The following AP3S2 variants were observed in gnomAD, a reference collection of about 807,000 sequenced individuals.
AP3S2 encodes adaptor related protein complex 3 subunit sigma 2.
In AP3S2, 22 loss-of-function variants were observed where a neutral mutation model predicts 23.4. The ratio of observed to expected loss-of-function variants is 0.94; its 90% confidence interval spans 0.67 to 1.34. AP3S2 has a LOEUF of 1.34. AP3S2 is among the 40% of genes most tolerant of loss of function. The pLI is 0.00. For synonymous variants in AP3S2, 86 were observed against 87.1 expected (o/e 0.99, Z 0.07); for missense variants, 241 against 236.9 (o/e 1.02, Z -0.11).
At chr15:89,868,524 T>G (rs1596208571) in intron 4 of AP3S2, among the ~76,000 whole-genome samples, 2 of 98,722 alleles carry the variant, frequency 2.0e-5, no homozygotes, top group African/African-American at 4.0e-5. Flanking sequence ...GGTGGGGGGG[T>G]CAGCCCCCCG....
intron 4 of AP3S2, among the ~76,000 whole-genome samples, chr15:89,845,046 C>T (rs1895452658): frequency 2.0e-5 from 3 of 152,012 alleles, no homozygotes; most frequent in Non-Finnish European, 4.4e-5. Flanking sequence ...GCTGGGACTA[C>T]AGGCGCCCGC....
chr15:89,847,568 A>G (rs1431304399), intron 4 of AP3S2, among the ~76,000 whole-genome samples: 1 of 152,164 alleles, frequency 6.6e-6, no homozygotes, highest in Non-Finnish European at 1.5e-5. Context: ...AGAGGATTCC[A>G]TGCTCTTCAA....
chr15:89,846,203 GCT>G (rs1895483242), intron 4 of AP3S2, among the ~76,000 whole-genome samples: 1 of 152,170 alleles, frequency 6.6e-6, no homozygotes, highest in Admixed American at 6.5e-5. Context: ...GGTGTTTTTA[GCT>G]CTGTCCTATT....
chr15:89,850,392 G>A (rs780034212), intron 4 of AP3S2, among the ~76,000 whole-genome samples: 10 of 152,156 alleles, frequency 6.6e-5, no homozygotes, highest in Admixed American at 2.6e-4. Flanking sequence ...CAGATGAAAC[G>A]GCTGGCTGGT....
At chr15:89,866,698 T>C (rs1896131768) in intron 4 of AP3S2, among the ~76,000 whole-genome samples, 1 of 151,934 alleles carries the variant, frequency 6.6e-6, no homozygotes, top group South Asian at 2.1e-4. Flanking sequence ...TTGGTTAGGC[T>C]GGTCTCGAAC....
chr15:89,859,349 CTTCT>C (rs1260804126), intron 4 of AP3S2, among the ~76,000 whole-genome samples: 28 of 132,188 alleles, frequency 2.1e-4, no homozygotes, highest in African/African-American at 6.7e-4. Flanking sequence ...TCCTTCCTTC[CTTCT>C]TTCCTTCCTT....
chr15:89,842,370 G>A (rs878963899), intron 4 of AP3S2, among the ~76,000 whole-genome samples: 48 of 152,282 alleles, frequency 3.2e-4, no homozygotes, highest in Admixed American at 2.9e-3. Context: ...AACTATAAGA[G>A]GATTGGGGTC....
In AP3S2 at chr15:89,832,999, T is replaced by C. The variant is rs948641616; in HGVS notation, c.*2516A>G. ...TGTTTGGATGCTCGCTTTGAATCTGTAGGACCACTCAATGATTTTTTAAAA... is the reference window on the plus strand; with the variant it reads ...TGTTTGGATGCTCGCTTTGAATCTGCAGGACCACTCAATGATTTTTTAAAA... On this transcript the variant is annotated 3_prime_UTR_variant, in exon 6 of 6. Coordinates refer to ENST00000336418, the MANE Select transcript of AP3S2 (RefSeq NM_005829.5). The C allele has an allele frequency of 6.6e-6, 1 of 152,238 alleles. No individual in the cohort carries two copies. The highest frequency in any genetic ancestry group is 2.4e-5 in the African/African-American group (1 of 41,456). 9.4% of individuals were successfully genotyped at this position (152,238 alleles called of 1,614,324 possible).
At chr15:89,842,825 A>T (rs1240069775) in intron 4 of AP3S2, among the ~76,000 whole-genome samples, 1 of 151,988 alleles carries the variant, frequency 6.6e-6, no homozygotes, top group Admixed American at 6.6e-5. Context: ...GTTGGCCAGG[A>T]TGGTCTGCAT....
chr15:89,867,940 CCCGGCCAGCCGCCCCAT>C (rs1896183840), intron 4 of AP3S2, among the ~76,000 whole-genome samples: 3 of 147,680 alleles, frequency 2.0e-5, no homozygotes, highest in African/African-American at 5.0e-5. Context: ...CAGCCCCCCA[CCCGGCCAGCCGCCCCAT>C]CCGGCCAGCC....
intron 4 of AP3S2, among the ~76,000 whole-genome samples, chr15:89,866,846 G>C (rs1250354380): frequency 6.6e-6 from 1 of 152,118 alleles, no homozygotes; most frequent in Non-Finnish European, 1.5e-5. Flanking sequence ...CTCTCCACTA[G>C]CAAAGCTACT....
chr15:89,893,534 C>T (rs1307920645), intron 1 of AP3S2: 2 of 402,196 alleles, frequency 5.0e-6, no homozygotes, highest in Non-Finnish European at 8.8e-6. Flanking sequence ...TGGTCAACAA[C>T]CAAAAAGATG....
intron 4 of AP3S2, among the ~76,000 whole-genome samples, chr15:89,867,614 T>C (rs1453323969): frequency 7.6e-6 from 1 of 130,902 alleles, no homozygotes; most frequent in African/African-American, 2.9e-5. Context: ...GAGGAGCGTC[T>C]CTGCCCGGCC....
chr15:89,853,267 GA>G (rs1314075350), intron 4 of AP3S2, among the ~76,000 whole-genome samples: 11 of 152,154 alleles, frequency 7.2e-5, no homozygotes, highest in Non-Finnish European at 1.5e-4. Context: ...AGACTAGTAG[GA>G]AAAAAGTAAA....
intron 5 of AP3S2, 58 bp from the exon 6 acceptor site, chr15:89,835,701 T>TAAAA (rs5814404): frequency 8.7e-6 from 9 of 1,040,304 alleles, no homozygotes; most frequent in Non-Finnish European, 9.8e-6. Context: ...TGCTTAATGC[T>TAAAA]AAAAAAAAAA....
chr15:89,847,822 G>C (rs1290741380), intron 4 of AP3S2, among the ~76,000 whole-genome samples: 1 of 152,144 alleles, frequency 6.6e-6, no homozygotes, highest in Non-Finnish European at 1.5e-5. Context: ...AAGGTAATAA[G>C]TAAGATTTTC....
chr15:89,862,805 C>T (rs1313338838), intron 4 of AP3S2, among the ~76,000 whole-genome samples: 1 of 152,104 alleles, frequency 6.6e-6, no homozygotes, highest in Non-Finnish European at 1.5e-5. Context: ...TGCCTTCAGG[C>T]TGTTGGAAAT....
intron 4 of AP3S2, among the ~76,000 whole-genome samples, chr15:89,863,901 A>G (rs1896061261): frequency 6.6e-6 from 1 of 152,220 alleles, no homozygotes; most frequent in Admixed American, 6.5e-5. Context: ...TATCAACAGA[A>G]GAAGCTATAC....
intron 4 of AP3S2, 152 bp downstream of exon 4, chr15:89,871,323 T>C (rs979840425): frequency 6.0e-6 from 4 of 667,546 alleles, no homozygotes; most frequent in Non-Finnish European, 9.3e-6. Context: ...AAACCCAAAC[T>C]ATTAAATCTA....
Sources: allele counts gnomAD v4.1 joint callset (sites outside exome capture counted in the v4.1 genomes callset), GRCh38; gene constraint gnomAD v4.1.1; transcripts MANE v1.5; gene names NCBI Gene and HGNC (gene_info 2026-07-23, HGNC 2026-07-21).